Variants in PPFIA2 observed in about 807,000 individuals in gnomAD.
PPFIA2 encodes the protein PPFI scaffold protein A2, also known as liprin-alpha-2.
A neutral mutation model predicts 175.5 loss-of-function variants in PPFIA2; 46 were observed. The ratio of observed to expected loss-of-function variants is 0.26; its 90% confidence interval spans 0.21 to 0.34. The LOEUF (loss-of-function observed/expected upper bound fraction) is 0.34, where lower values mean the gene tolerates loss of function less well. Among genes scored for constraint, PPFIA2 ranks in the 10% least tolerant of loss-of-function variants. PPFIA2 has a pLI of 1.00. For missense variants in PPFIA2, 1,179 were observed against 1,506.1 expected, an observed-to-expected ratio of 0.78 and a Z score of 3.60; for synonymous variants, 568 against 511.4, an observed-to-expected ratio of 1.11 and a Z score of -1.49.
intron 16 of PPFIA2, among the ~76,000 whole-genome samples, chr12:81,356,400 C>T (rs762789593): frequency 1.3e-5 from 2 of 152,048 alleles, no homozygotes; most frequent in Non-Finnish European, 2.9e-5. Flanking sequence ...CAGTGGTTCA[C>T]GCTTATAATC....
intron 3 of PPFIA2, among the ~76,000 whole-genome samples, chr12:81,737,502 G>A (rs1344711405): frequency 6.6e-6 from 1 of 151,918 alleles, no homozygotes; most frequent in African/African-American, 2.4e-5. Context: ...TTCCACTGAT[G>A]ATTTTACAAA....
intron 4 of PPFIA2, among the ~76,000 whole-genome samples, chr12:81,521,341 T>C (rs1371962822): frequency 6.6e-6 from 1 of 152,154 alleles, no homozygotes; most frequent in African/African-American, 2.4e-5. Flanking sequence ...ACTTGACGTA[T>C]TTATCATCTA....
chr12:81,692,479 A>G (rs1156265984), intron 3 of PPFIA2, among the ~76,000 whole-genome samples: 1 of 152,162 alleles, frequency 6.6e-6, no homozygotes, highest in African/African-American at 2.4e-5. Flanking sequence ...GTCAATATTC[A>G]TATATTTCTA....
chr12:81,619,127 A>G (rs1595683338), intron 4 of PPFIA2, among the ~76,000 whole-genome samples: 2 of 152,304 alleles, frequency 1.3e-5, no homozygotes, highest in South Asian at 4.1e-4. Context: ...TTTTTGTCCT[A>G]TATGTTACTT....
Position 81,489,355 on chromosome 12 carries a change from G to A in PPFIA2, c.304-31489C>T, listed in dbSNP as rs149949497. ...TTCACAAAATGCTTTGGAAGGAACCGTAAAACTCAAGATGCATTCCCTATG... is the reference window on the plus strand; with the variant it reads ...TTCACAAAATGCTTTGGAAGGAACCATAAAACTCAAGATGCATTCCCTATG... On this transcript the variant is annotated intron_variant, in intron 4 of 32. Transcript: ENST00000549396. Among the ~76,000 whole-genome samples the A allele has an allele frequency of 4.6e-3, 693 of 151,722 alleles. 19 individuals carry two copies. The highest frequency in any genetic ancestry group is 0.041 in the Admixed American group (619 of 15,152).
chr12:81,500,017 A>G (rs1342833658), intron 4 of PPFIA2, among the ~76,000 whole-genome samples: 1 of 151,988 alleles, frequency 6.6e-6, no homozygotes, highest in African/African-American at 2.4e-5. Context: ...ACTGACAACT[A>G]CTTCAGCCAC....
At chr12:81,412,341 A>G (rs1458239368) in intron 7 of PPFIA2, among the ~76,000 whole-genome samples, 1 of 150,594 alleles carries the variant, frequency 6.6e-6, no homozygotes, top group Non-Finnish European at 1.5e-5. Flanking sequence ...GAGGCAAAAA[A>G]AAAAAAAAAA....
At chr12:81,577,200 C>T (rs1230527448) in intron 4 of PPFIA2, among the ~76,000 whole-genome samples, 1 of 151,730 alleles carries the variant, frequency 6.6e-6, no homozygotes, top group African/African-American at 2.4e-5. Context: ...AAATAATGAG[C>T]TTAGTAAAAT....
At chr12:81,661,620 G>A (rs1296908962) in intron 4 of PPFIA2, among the ~76,000 whole-genome samples, 1 of 152,118 alleles carries the variant, frequency 6.6e-6, no homozygotes, top group Non-Finnish European at 1.5e-5. Flanking sequence ...ACACCCCACT[G>A]TCAACATTAG....
chr12:81,542,819 T>A (rs1329667785), intron 4 of PPFIA2, among the ~76,000 whole-genome samples: 1 of 152,146 alleles, frequency 6.6e-6, no homozygotes, highest in Non-Finnish European at 1.5e-5. Context: ...CATAAAATAG[T>A]TTCCTCATCT....
At chr12:81,481,024 A>T (rs2058148293) in intron 4 of PPFIA2, among the ~76,000 whole-genome samples, 1 of 152,214 alleles carries the variant, frequency 6.6e-6, no homozygotes, top group Admixed American at 6.5e-5. Flanking sequence ...CCCGAAGCTG[A>T]TAAGCAGCTT....
intron 13 of PPFIA2, 99 bp from the exon 14 acceptor site, chr12:81,367,269 T>C: frequency 1.2e-6 from 1 of 824,992 alleles, no homozygotes. Flanking sequence ...CCTCTTAGAT[T>C]CCTTCCTTAG....
chr12:81,753,233 C>T (rs1386957158), intron 3 of PPFIA2, among the ~76,000 whole-genome samples: 1 of 152,114 alleles, frequency 6.6e-6, no homozygotes, highest in African/African-American at 2.4e-5. Flanking sequence ...CTGCGGCCAG[C>T]CTATGAGTTT....
chr12:81,480,076 T>A (rs2058020594), intron 4 of PPFIA2, among the ~76,000 whole-genome samples: 2 of 152,290 alleles, frequency 1.3e-5, no homozygotes, highest in South Asian at 4.1e-4. Context: ...TTTCACATAG[T>A]CCCATATTTC....
chr12:81,388,597 T>G (rs1013266806), intron 8 of PPFIA2, among the ~76,000 whole-genome samples: 1 of 152,088 alleles, frequency 6.6e-6, no homozygotes, highest in Non-Finnish European at 1.5e-5. Flanking sequence ...GAGGCACATA[T>G]ATTTATCAAA....
intron 3 of PPFIA2, among the ~76,000 whole-genome samples, chr12:81,743,664 G>A (rs998045129): frequency 1.1e-4 from 16 of 151,914 alleles, no homozygotes; most frequent in Admixed American, 9.8e-4. Context: ...AGAACAAAAG[G>A]GAAAAAGTTG....
intron 3 of PPFIA2, among the ~76,000 whole-genome samples, chr12:81,697,666 C>T (rs576143446): frequency 1.0e-3 from 158 of 152,178 alleles, no homozygotes; most frequent in Non-Finnish European, 1.3e-3. Flanking sequence ...AGTAGAAAAA[C>T]TTTTCCAAAA....
intron 5 of PPFIA2, among the ~76,000 whole-genome samples, chr12:81,456,218 T>G (rs1345955202): frequency 6.6e-6 from 1 of 152,112 alleles, no homozygotes; most frequent in East Asian, 1.9e-4. Flanking sequence ...CAGTGTTAAG[T>G]TAAAAAAGTC....
chr12:81,535,566 C>T (rs781213156), intron 4 of PPFIA2: 14 of 417,368 alleles, frequency 3.4e-5, no homozygotes, highest in Non-Finnish European at 5.7e-5. Context: ...TTTCTCTGTC[C>T]TTCTAGATAC....
Sources: gnomAD v4.1 joint callset for allele counts (sites outside exome capture counted in the v4.1 genomes callset) on GRCh38, gnomAD v4.1.1 for gene constraint, MANE v1.5 for transcripts, NCBI Gene and HGNC (gene_info 2026-07-23, HGNC 2026-07-21) for gene names.